ABCA4: variants seen among roughly 807,000 people sequenced by gnomAD.
ABCA4 encodes the protein retinal-specific phospholipid-transporting ATPase ABCA4.
A neutral mutation model predicts 263.7 loss-of-function variants in ABCA4; 196 were observed. That is an observed-to-expected ratio of 0.74 (90% CI 0.66 to 0.84). ABCA4 has a LOEUF of 0.84. ABCA4 is among the 40% of genes least tolerant of loss of function. The probability of loss-of-function intolerance (pLI) is 0.00; values close to 1 mark genes in which losing one functional copy is unlikely to be tolerated. For synonymous variants in ABCA4, 1,133 were observed against 1,094.2 expected (o/e 1.04, Z -0.70); for missense variants, 2,792 against 2,855.1 (o/e 0.98, Z 0.50).
intron 6 of ABCA4, among the ~76,000 whole-genome samples, chr1:94,088,034 C>A (rs916455404): frequency 3.9e-5 from 6 of 152,158 alleles, no homozygotes; most frequent in African/African-American, 1.4e-4. Context: ...CCCTTCATTC[C>A]CACATTCTTT....
At chr1:93,995,961 G>T in intron 49 of ABCA4, 148 bp downstream of exon 49, 3 of 682,092 alleles carry the variant, frequency 4.4e-6, no homozygotes, top group Non-Finnish European at 7.8e-6. Flanking sequence ...ATGAGGATGT[G>T]GTGGGGACTT....
chr1:94,036,184 A>G (rs1196797310), intron 26 of ABCA4, among the ~76,000 whole-genome samples: 1 of 151,638 alleles, frequency 6.6e-6, no homozygotes, highest in Non-Finnish European at 1.5e-5. Flanking sequence ...CAGCATGAGG[A>G]GCTGAGGGAT....
At chr1:94,008,100 A>G in intron 42 of ABCA4, 135 bp downstream of exon 42, 1 of 817,598 alleles carries the variant, frequency 1.2e-6, no homozygotes, top group Admixed American at 2.1e-5. Flanking sequence ...TGGCTAGTGG[A>G]AGATTTAAAA....
intron 6 of ABCA4, among the ~76,000 whole-genome samples, chr1:94,088,215 C>G (rs960978454): frequency 6.6e-6 from 1 of 152,178 alleles, no homozygotes; most frequent in Non-Finnish European, 1.5e-5. Flanking sequence ...CTTTTCTCAA[C>G]ATTTTGATCA....
intron 11 of ABCA4, among the ~76,000 whole-genome samples, chr1:94,073,831 A>AG (rs5776199): frequency 0.55 from 83,308 of 151,930 alleles, 23,342 homozygotes; most frequent in East Asian, 0.77. Context: ...TATTCTTTAT[A>AG]TACTTTGCAA....
At chr1:94,102,857 T>A (rs1479705457) in intron 5 of ABCA4, among the ~76,000 whole-genome samples, 158 bp downstream of exon 5, 3 of 152,206 alleles carry the variant, frequency 2.0e-5, no homozygotes, top group East Asian at 3.9e-4. Context: ...CGATCTCAAG[T>A]GATCCCCCGG....
In ABCA4 at chr1:94,024,968, A is replaced by G; in HGVS notation, c.4620T>C (p.Ala1540=). 1.2e-6 allele frequency: 2 copies of G among 1,614,066 alleles called. No individual in the cohort carries two copies. Among genetic ancestry groups the G allele is most frequent in the Non-Finnish European group, 1.7e-6 (2 of 1,179,906 alleles). The part of the protein sequence containing the change: ...ISDFLVKTYP[A]LIRSSLKSKF... Reference sequence around the variant, plus strand: ...TTTCTTCTTACCTGCTTCTTATAAGAGCAGGATACGTTTTTACCAAGAAGT... The same window carrying G: ...TTTCTTCTTACCTGCTTCTTATAAGGGCAGGATACGTTTTTACCAAGAAGT... Residue 1540 remains alanine, a synonymous_variant, in exon 31 of 50, where the codon GCT becomes GCC. Coordinates refer to ENST00000370225, the MANE Select transcript of ABCA4 (RefSeq NM_000350.3).
intron 11 of ABCA4, among the ~76,000 whole-genome samples, chr1:94,073,319 G>A (rs1661454640): frequency 2.0e-5 from 3 of 152,124 alleles, no homozygotes; most frequent in Admixed American, 1.3e-4. Flanking sequence ...CAGCTGCTGG[G>A]CTTCTGCTCC....
Position 94,021,911 on chromosome 1 carries a change from G to T in ABCA4, c.4708C>A (p.Pro1570Thr). ...CCAACAAGTGCTTCCCCCGTGATGG[G>T]GACGACTGGGAGCTTTCCTCCAATG... ...ISIGGKLPVV[P>T]ITGEALVGFL... The change falls in exon 33 of 50, where the codon CCC becomes ACC. Residue 1570 changes from proline to threonine, a missense_variant. By Grantham distance (38) the Pro-to-Thr change is conservative. Coordinates refer to ENST00000370225, the MANE Select transcript of ABCA4 (RefSeq NM_000350.3). The T allele has an allele frequency of 6.2e-7, 1 of 1,614,154 alleles. No individual in the cohort carries two copies. Among genetic ancestry groups the T allele is most frequent in the East Asian group, 2.2e-5 (1 of 44,876 alleles).
At chr1:94,025,907 C>T (rs1249647150) in intron 30 of ABCA4, among the ~76,000 whole-genome samples, 1 of 152,158 alleles carries the variant, frequency 6.6e-6, no homozygotes, top group Non-Finnish European at 1.5e-5. Context: ...GGGTGGCATA[C>T]AGATGACACA....
chr1:94,024,932 G>A (rs1659996095), intron 31 of ABCA4, 22 bp downstream of exon 31: 2 of 1,587,700 alleles, frequency 1.3e-6, no homozygotes, highest in Non-Finnish European at 1.7e-6. Flanking sequence ...AGGATAAAAA[G>A]CATAAAAGGA....
chr1:94,050,237 C>T (rs1001422904), intron 17 of ABCA4, among the ~76,000 whole-genome samples: 1 of 152,136 alleles, frequency 6.6e-6, no homozygotes, highest in Non-Finnish European at 1.5e-5. Flanking sequence ...TCAAACTGCA[C>T]AAATAGGTAA....
intron 23 of ABCA4, among the ~76,000 whole-genome samples, chr1:94,040,495 A>T (rs1557777041): frequency 6.6e-6 from 1 of 152,206 alleles, no homozygotes; most frequent in Non-Finnish European, 1.5e-5. Flanking sequence ...CAGAGGCATA[A>T]ATAATGCTGC....
chr1:94,043,201 G>T, intron 21 of ABCA4, 135 bp downstream of exon 21: 1 of 1,312,768 alleles, frequency 7.6e-7, no homozygotes, highest in Non-Finnish European at 1.0e-6. Context: ...GCTGCTCTTA[G>T]ATTTTTGGTG....
chr1:94,106,548 G>A (rs1478225977), intron 4 of ABCA4, among the ~76,000 whole-genome samples: 1 of 152,158 alleles, frequency 6.6e-6, no homozygotes, highest in African/African-American at 2.4e-5. Context: ...TATTAAAATG[G>A]TAATTGTACT....
rs1388742770 is a variant in ABCA4 at position 94,113,071 on chromosome 1, A to G, written c.67-5T>C. ...GAGTTCCACCACAAAGCGAATCTGG[A>G]AAAACAAAACAAAAAGAGAGAAAGT... On this transcript the variant is annotated splice_region_variant and splice_polypyrimidine_tract_variant and intron_variant, in intron 1 of 49. Transcript: ENST00000370225. The G allele has an allele frequency of 6.2e-7, 1 of 1,613,764 alleles. No individual in the cohort carries two copies. Among genetic ancestry groups the G allele is most frequent in the Admixed American group, 1.7e-5 (1 of 60,032 alleles).
chr1:94,000,054 C>CCCT (rs1265017490), intron 47 of ABCA4, among the ~76,000 whole-genome samples: 1 of 152,236 alleles, frequency 6.6e-6, no homozygotes, highest in Non-Finnish European at 1.5e-5. Flanking sequence ...CTGTGTAACA[C>CCCT]CCTCCTGTGG....
At chr1:94,028,803 G>C (rs1351539763) in intron 30 of ABCA4, among the ~76,000 whole-genome samples, 2 of 151,050 alleles carry the variant, frequency 1.3e-5, no homozygotes. Flanking sequence ...CCCACTACTC[G>C]GGGGGGCTGA....
chr1:94,110,595 G>A (rs1378666770), intron 3 of ABCA4, among the ~76,000 whole-genome samples: 1 of 152,194 alleles, frequency 6.6e-6, no homozygotes, highest in Non-Finnish European at 1.5e-5. Context: ...GGTGAGGGAT[G>A]GCCCTGTCCA....
Sources: allele counts gnomAD v4.1 joint callset (sites outside exome capture counted in the v4.1 genomes callset), GRCh38; gene constraint gnomAD v4.1.1; transcripts MANE v1.5; gene names NCBI Gene and HGNC (gene_info 2026-07-23, HGNC 2026-07-21).